FARS2: variants seen among roughly 807,000 people sequenced by gnomAD.
FARS2 encodes the protein phenylalanyl-tRNA synthetase 2, mitochondrial.
Under a neutral mutation model 46.4 loss-of-function variants are expected in FARS2, and 40 were observed. The observed-to-expected ratio is 0.86, with a 90% CI of 0.67 to 1.12. The LOEUF (loss-of-function observed/expected upper bound fraction) is 1.12, where lower values mean the gene tolerates loss of function less well. Among genes scored for constraint, FARS2 ranks in the 50% most tolerant of loss-of-function variants. FARS2 has a pLI of 0.00. For missense variants in FARS2, 513 were observed against 567.9 expected, an observed-to-expected ratio of 0.90 and a Z score of 0.98; for synonymous variants, 234 against 214.9, an observed-to-expected ratio of 1.09 and a Z score of -0.78.
At chr6:5,607,788 C>A (rs369633682) in intron 5 of FARS2, among the ~76,000 whole-genome samples, 14 of 152,114 alleles carry the variant, frequency 9.2e-5, no homozygotes, top group African/African-American at 3.1e-4. Context: ...GGGACCTTTC[C>A]CAGAGATCAA....
chr6:5,473,405 T>A (rs373679313), intron 4 of FARS2, among the ~76,000 whole-genome samples: 3 of 151,994 alleles, frequency 2.0e-5, no homozygotes, highest in African/African-American at 7.2e-5. Context: ...CGTGTGCCTG[T>A]AGTCCCCGCT....
At chr6:5,605,496 T>C (rs991797629) in intron 5 of FARS2, among the ~76,000 whole-genome samples, 9 of 152,196 alleles carry the variant, frequency 5.9e-5, no homozygotes, top group African/African-American at 1.2e-4. Flanking sequence ...CGTATCACCA[T>C]TGGGCAAGAA....
chr6:5,428,542 T>G (rs966774250), intron 3 of FARS2, among the ~76,000 whole-genome samples: 1 of 152,210 alleles, frequency 6.6e-6, no homozygotes, highest in Non-Finnish European at 1.5e-5. Context: ...TGTTTTCCGC[T>G]TACGTGCCAA....
chr6:5,648,141 A>G (rs1777167078), intron 6 of FARS2, among the ~76,000 whole-genome samples: 1 of 152,228 alleles, frequency 6.6e-6, no homozygotes, highest in African/African-American at 2.4e-5. Context: ...CACAAGACCT[A>G]AGATAATTCC....
In FARS2 at chr6:5,500,033, C is replaced by G. The variant is rs192516423; in HGVS notation, c.905-45147C>G. On this transcript the variant is annotated intron_variant, in intron 4 of 6. Coordinates refer to ENST00000274680, the MANE Select transcript of FARS2 (RefSeq NM_006567.5). ...ACTGTACCAAGCTGAGGTAGCAATT[C>G]TAGGGGTGGTGTCCTTTCCAAATGT... Among the ~76,000 whole-genome samples the G allele has an allele frequency of 1.6e-4, 24 of 152,284 alleles. No individual in the cohort carries two copies. The East Asian group carries it at 4.2e-3, about 27-fold the overall frequency.
intron 6 of FARS2, among the ~76,000 whole-genome samples, chr6:5,741,750 A>C (rs1474119553): frequency 6.6e-6 from 1 of 152,194 alleles, no homozygotes; most frequent in Non-Finnish European, 1.5e-5. Context: ...TCCTGGGTTC[A>C]AGCCATTTTC....
At chr6:5,509,791 C>T (rs1273154684) in intron 4 of FARS2, among the ~76,000 whole-genome samples, 1 of 152,182 alleles carries the variant, frequency 6.6e-6, no homozygotes, top group Non-Finnish European at 1.5e-5. Flanking sequence ...TTTTAAAAAA[C>T]AGGTTACTGG....
intron 6 of FARS2, among the ~76,000 whole-genome samples, chr6:5,648,067 G>T (rs1777164319): frequency 6.6e-6 from 1 of 152,164 alleles, no homozygotes; most frequent in Non-Finnish European, 1.5e-5. Context: ...CTGCCTTCTG[G>T]ACTCAATGAC....
chr6:5,283,673 A>G (rs1766913970), intron 1 of FARS2, among the ~76,000 whole-genome samples: 1 of 152,178 alleles, frequency 6.6e-6, no homozygotes, highest in Non-Finnish European at 1.5e-5. Context: ...ATGTATATGC[A>G]TAAACTACAT....
chr6:5,638,480 G>A (rs912448129), intron 6 of FARS2, among the ~76,000 whole-genome samples: 4 of 152,310 alleles, frequency 2.6e-5, no homozygotes, highest in South Asian at 2.1e-4. Flanking sequence ...CAGGAGAATC[G>A]CTTGAACCCG....
At position 5,666,441 on chromosome 6, in the gene FARS2, T is replaced by C. The variant is rs369063020; in HGVS notation, c.1217+53121T>C. ...AAGTCAGGAGAGCAGCCAGCCTGAC[T>C]ATAGAAGAACTACACAGTGCCTAAA... On this transcript the variant is annotated intron_variant, in intron 6 of 6. Transcript: ENST00000274680. 1.1e-4 allele frequency among the ~76,000 whole-genome samples: 16 copies of C among 152,266 alleles called. No individual in the cohort carries two copies. The East Asian group carries it at 2.1e-3, about 20-fold the overall frequency.
chr6:5,417,135 A>G (rs1038853532), intron 3 of FARS2, among the ~76,000 whole-genome samples: 2 of 152,140 alleles, frequency 1.3e-5, no homozygotes, highest in Admixed American at 6.5e-5. Flanking sequence ...TTGCATTTGT[A>G]TGTCCATAAA....
chr6:5,260,513 G>A, upstream of FARS2: 1 of 1,218,044 alleles, frequency 8.2e-7, no homozygotes, highest in Non-Finnish European at 1.1e-6. Context: ...TTCGATGGCG[G>A]AGCCCGGTCC....
intron 4 of FARS2, among the ~76,000 whole-genome samples, chr6:5,501,339 T>C (rs1298217962): frequency 2.0e-5 from 3 of 152,166 alleles, no homozygotes; most frequent in Non-Finnish European, 4.4e-5. Flanking sequence ...TGGTAAGTTC[T>C]CAACTCTTAG....
intron 5 of FARS2, among the ~76,000 whole-genome samples, chr6:5,581,533 G>T (rs1335146679): frequency 6.6e-6 from 1 of 152,210 alleles, no homozygotes; most frequent in Non-Finnish European, 1.5e-5. Flanking sequence ...TGTGCCAGTT[G>T]CTGGGTATAT....
At position 5,369,217 on chromosome 6, in the gene FARS2, G is replaced by A. The variant is rs748985165; in HGVS notation, c.612+35G>A. 8.8e-6 allele frequency: 14 copies of A among 1,584,948 alleles called. No homozygotes were observed. In the East Asian group the frequency reaches 2.9e-4, roughly 33 times the overall value. On this transcript the variant is annotated intron_variant, in intron 2 of 6. Coordinates refer to ENST00000274680, the MANE Select transcript of FARS2 (RefSeq NM_006567.5). ...GAGATGTTTCTCATCGCTGAAGGAT[G>A]TCATAGACATTTTATGTTGAGGTCA...
At chr6:5,353,495 C>CTGTATTAAT (rs1561978914) in intron 1 of FARS2, among the ~76,000 whole-genome samples, 3 of 152,112 alleles carry the variant, frequency 2.0e-5, no homozygotes. Flanking sequence ...TCCATAGTGG[C>CTGTATTAAT]TGTATTAATT....
intron 4 of FARS2, among the ~76,000 whole-genome samples, chr6:5,506,915 C>T (rs1003438106): frequency 2.6e-5 from 4 of 152,186 alleles, no homozygotes; most frequent in African/African-American, 9.7e-5. Context: ...AGAGGCTAAC[C>T]ATATATTTAA....
chr6:5,738,744 T>TA (rs1184075923), intron 6 of FARS2, among the ~76,000 whole-genome samples: 2 of 147,616 alleles, frequency 1.4e-5, no homozygotes, highest in Non-Finnish European at 3.0e-5. Flanking sequence ...ACAGTTAAAA[T>TA]AAAAAAACTT....
Sources: gnomAD v4.1 joint callset for allele counts (sites outside exome capture counted in the v4.1 genomes callset) on GRCh38, gnomAD v4.1.1 for gene constraint, MANE v1.5 for transcripts, NCBI Gene and HGNC (gene_info 2026-07-23, HGNC 2026-07-21) for gene names.